Variants in ATP2B1 observed in about 807,000 individuals in gnomAD.
ATP2B1 encodes the protein plasma membrane calcium-transporting ATPase 1.
Under a neutral mutation model 124.2 loss-of-function variants are expected in ATP2B1, and 14 were observed. The ratio of observed to expected loss-of-function variants is 0.11; its 90% CI spans 0.07 to 0.18. The LOEUF is 0.18. Ranked by LOEUF, ATP2B1 falls within the 10% of genes least tolerant of loss-of-function variation. The probability of loss-of-function intolerance (pLI) is 1.00; values close to 1 mark genes in which losing one functional copy is unlikely to be tolerated. For missense variants in ATP2B1, 763 were observed against 1,466.1 expected (o/e 0.52, Z 7.83); for synonymous variants, 449 against 492.4 (o/e 0.91, Z 1.17).
At chr12:89,623,630 G>A (rs1459053763) in intron 9 of ATP2B1, among the ~76,000 whole-genome samples, 2 of 152,166 alleles carry the variant, frequency 1.3e-5, no homozygotes, top group African/African-American at 4.8e-5. Context: ...GAATACAGTT[G>A]AGATGTTTGA....
At chr12:89,653,918 G>C (rs1292184031) in intron 2 of ATP2B1, among the ~76,000 whole-genome samples, 5 of 152,188 alleles carry the variant, frequency 3.3e-5, no homozygotes, top group Admixed American at 2.6e-4. Context: ...CAAGGACCTG[G>C]TTAGGGGAAG....
rs765510384 is a variant in ATP2B1 at position 89,591,104 on chromosome 12, G to A, written c.3543C>T (p.Pro1181=). 1 of 1,613,246 alleles carries A rather than the reference G, an allele frequency of 6.2e-7. No individual in the cohort carries two copies. The highest frequency in any genetic ancestry group is 8.5e-7 in the Non-Finnish European group (1 of 1,179,382). The change falls in exon 21 of 21, where the codon CCC becomes CCT. Residue 1181 remains proline, a synonymous_variant. Coordinates refer to ENST00000428670, the MANE Select transcript of ATP2B1 (RefSeq NM_001366521.1). ...APTKRNSSPP[P]SPNKNNNAVD... ...CAGCATTGTTATTTTTGTTGGGAGA[G>A]GGTGGAGGACTGGAGTTACGTTTTG... is the stretch of plus-strand genomic sequence containing the variant.
At chr12:89,594,407 C>T (rs548493467) in intron 20 of ATP2B1, 1 of 151,958 alleles carries the variant, frequency 6.6e-6, no homozygotes, top group South Asian at 2.1e-4. Context: ...TATAAGTAAA[C>T]TTAATTACAG....
At chr12:89,689,486 T>C (rs991900826) in intron 1 of ATP2B1, among the ~76,000 whole-genome samples, 4 of 152,090 alleles carry the variant, frequency 2.6e-5, no homozygotes, top group African/African-American at 7.2e-5. Flanking sequence ...TCACAAAACA[T>C]TGGAAATGAA....
At chr12:89,701,623 A>C (rs776390558) in intron 1 of ATP2B1, among the ~76,000 whole-genome samples, 4 of 152,248 alleles carry the variant, frequency 2.6e-5, no homozygotes, top group Non-Finnish European at 5.9e-5. Flanking sequence ...AGATAGCTAC[A>C]TACATTTCAC....
chr12:89,708,170 G>A (rs1475275006), intron 1 of ATP2B1, among the ~76,000 whole-genome samples: 2 of 152,156 alleles, frequency 1.3e-5, no homozygotes, highest in Non-Finnish European at 2.9e-5. Flanking sequence ...ACCCTCCCGG[G>A]GCGCGGGGAG....
chr12:89,651,132 T>C (rs1885191288), intron 2 of ATP2B1, among the ~76,000 whole-genome samples: 1 of 152,238 alleles, frequency 6.6e-6, no homozygotes, highest in African/African-American at 2.4e-5. Context: ...CTGGGAAGTT[T>C]TTAATATGAA....
chr12:89,687,522 G>A (rs1890100594), intron 1 of ATP2B1, among the ~76,000 whole-genome samples: 1 of 152,048 alleles, frequency 6.6e-6, no homozygotes, highest in African/African-American at 2.4e-5. Context: ...TTGCTATCTA[G>A]GTGGGTGGAG....
Position 89,603,992 on chromosome 12 carries a change from C to A in ATP2B1, c.2635-67G>T. ...AGGGGCTCAGCAATTCTCAGGAAACCTTTAGGGTTTAAAAACTTGAGAAAC... is the reference window on the plus strand; with the variant it reads ...AGGGGCTCAGCAATTCTCAGGAAACATTTAGGGTTTAAAAACTTGAGAAAC... On this transcript the variant is annotated intron_variant, in intron 16 of 20. Coordinates refer to ENST00000428670, the MANE Select transcript of ATP2B1 (RefSeq NM_001366521.1). The surrounding 1 kb of genome is among the most constrained non-coding windows in gnomAD (Gnocchi z 4.3). 2 of 1,515,512 alleles carry A rather than the reference C, an allele frequency of 1.3e-6. No homozygotes were observed. Among genetic ancestry groups the A allele is most frequent in the Non-Finnish European group, 8.9e-7 (1 of 1,120,126 alleles). 93.9% of individuals were successfully genotyped at this position (1,515,512 alleles called of 1,614,324 possible).
intron 1 of ATP2B1, among the ~76,000 whole-genome samples, chr12:89,674,426 G>A (rs954252176): frequency 4.0e-5 from 6 of 150,972 alleles, no homozygotes; most frequent in Admixed American, 4.0e-4. Context: ...TCACAAGGCA[G>A]TATTAGAAAC....
At chr12:89,637,052 C>A (rs1294477351) in intron 3 of ATP2B1, among the ~76,000 whole-genome samples, 1 of 152,186 alleles carries the variant, frequency 6.6e-6, no homozygotes, top group African/African-American at 2.4e-5. Flanking sequence ...ACCATGCTGA[C>A]CACTTTCACC....
At chr12:89,685,051 T>C (rs886657614) in intron 1 of ATP2B1, among the ~76,000 whole-genome samples, 3 of 152,160 alleles carry the variant, frequency 2.0e-5, no homozygotes, top group Non-Finnish European at 4.4e-5. Flanking sequence ...ACCTAATTTG[T>C]ATTTCTCAAT....
At chr12:89,639,069 G>C (rs189697898) in intron 3 of ATP2B1, among the ~76,000 whole-genome samples, 29 of 152,260 alleles carry the variant, frequency 1.9e-4, no homozygotes. Flanking sequence ...TTCACATCAA[G>C]TAATATTAGG....
chr12:89,640,678 G>T (rs758314172), intron 3 of ATP2B1, among the ~76,000 whole-genome samples: 1 of 152,032 alleles, frequency 6.6e-6, no homozygotes, highest in Non-Finnish European at 1.5e-5. Flanking sequence ...TTGAAAGCAG[G>T]GCCTAAGGGG....
At position 89,611,344 on chromosome 12, in the gene ATP2B1, C is replaced by G. The variant is rs182212584; in HGVS notation, c.2096G>C (p.Arg699Thr). ...GACCATCCGCACAGTAATTCCAGCCCTCTGACACTTTTTAATTGCATCTGG... is the reference window on the plus strand; with the variant it reads ...GACCATCCGCACAGTAATTCCAGCCGTCTGACACTTTTTAATTGCATCTGG... ...EVPDAIKKCQRAGITVRMVTG... is the reference protein window; with the variant it reads ...EVPDAIKKCQTAGITVRMVTG... The change falls in exon 13 of 21, where the codon AGG becomes ACG. Residue 699 changes from arginine to threonine, a missense_variant. This residue lies in a region of ATP2B1 where 392 missense variants were observed against 776.6 expected (regional missense o/e 0.50). Coordinates refer to ENST00000428670, the MANE Select transcript of ATP2B1 (RefSeq NM_001366521.1). The G allele has an allele frequency of 4.6e-6, 7 of 1,535,940 alleles. No individual in the cohort carries two copies. In the Admixed American group the frequency reaches 1.5e-4, roughly 33 times the overall value.
intron 15 of ATP2B1, among the ~76,000 whole-genome samples, chr12:89,608,297 T>C (rs1017141437): frequency 2.0e-5 from 3 of 152,072 alleles, no homozygotes; most frequent in Non-Finnish European, 4.4e-5. Context: ...GACTTCCAAG[T>C]AGTTGGGATT....
intron 1 of ATP2B1, among the ~76,000 whole-genome samples, chr12:89,662,201 GA>G (rs1434311427): frequency 6.7e-6 from 1 of 149,584 alleles, no homozygotes; most frequent in Non-Finnish European, 1.5e-5. Flanking sequence ...AAAAGACTAT[GA>G]TCTTTCAACC....
At chr12:89,627,776 T>C in intron 6 of ATP2B1, 60 bp from the exon 7 acceptor site, 1 of 1,539,386 alleles carries the variant, frequency 6.5e-7, no homozygotes, top group Non-Finnish European at 9.0e-7. Context: ...CCATGCTAAA[T>C]TATGCAGAAG....
intron 1 of ATP2B1, among the ~76,000 whole-genome samples, chr12:89,679,856 G>A (rs965199245): frequency 1.3e-5 from 2 of 152,078 alleles, no homozygotes; most frequent in Admixed American, 6.6e-5. Flanking sequence ...AGATTGAAAG[G>A]GAATAGCAGC....
Sources: gnomAD v4.1 joint callset for allele counts (sites outside exome capture counted in the v4.1 genomes callset) on GRCh38, gnomAD v4.1.1 for gene constraint, gnomAD v4.1.1 regional missense constraint, Gnocchi (gnomAD v3.1) non-coding constraint, MANE v1.5 for transcripts, NCBI Gene and HGNC (gene_info 2026-07-23, HGNC 2026-07-21) for gene names.